The following CAV2 variants were observed in gnomAD, a reference collection of about 807,000 sequenced individuals.
The protein encoded by CAV2 is caveolin-2.
CAV2 carries 7 observed loss-of-function variants against 15.5 expected under a neutral mutation model. The ratio of observed to expected loss-of-function variants is 0.45; its 90% CI spans 0.26 to 0.85. The LOEUF (loss-of-function observed/expected upper bound fraction) is 0.85, where lower values mean the gene tolerates loss of function less well. Ranked by LOEUF, CAV2 falls within the 40% of genes least tolerant of loss-of-function variation. CAV2 has a pLI of 0.18. For missense variants in CAV2, 229 were observed against 208.8 expected (o/e 1.10, Z -0.60); for synonymous variants, 76 against 83.1 (o/e 0.91, Z 0.46).
chr7:116,500,491 G>A (rs764935846), intron 2 of CAV2, 44 bp downstream of exon 2: 13 of 1,576,022 alleles, frequency 8.2e-6, no homozygotes, highest in Non-Finnish European at 1.1e-5. Context: ...TGAAACATGG[G>A]CATATTCTCC....
rs768523776 is a variant in CAV2, at chr7:116,499,883, G to C, written c.102G>C (p.Ala34=). ...GLEYADPEKF[A]DSDQDRDPHR... ...AGTACGCCGACCCCGAGAAGTTCGC[G>C]GACTCGGACCAGGACCGGGATCCCC... The change falls in exon 1 of 3, where the codon GCG becomes GCC. Residue 34 remains alanine (A), a synonymous_variant. Transcript: ENST00000222693. The C allele has an allele frequency of 2.5e-6, 4 of 1,612,024 alleles. No homozygotes were observed. The East Asian group carries it at 6.7e-5, about 27-fold the overall frequency.
chr7:116,501,775 C>T (rs889548211), intron 2 of CAV2, among the ~76,000 whole-genome samples: 1 of 152,070 alleles, frequency 6.6e-6, no homozygotes, highest in East Asian at 1.9e-4. Context: ...TCACCAAATA[C>T]GTAAAGGATA....
chr7:116,505,209 C>T (rs569727870), intron 2 of CAV2, among the ~76,000 whole-genome samples: 1 of 152,320 alleles, frequency 6.6e-6, no homozygotes, highest in Non-Finnish European at 1.5e-5. Flanking sequence ...GAAAGGCTAT[C>T]AGGAAGTAAA....
chr7:116,502,312 C>A (rs1343613891), intron 2 of CAV2, among the ~76,000 whole-genome samples: 1 of 152,010 alleles, frequency 6.6e-6, no homozygotes, highest in Non-Finnish European at 1.5e-5. Flanking sequence ...ATCAATGCAC[C>A]TTTTTTTAGC....
At position 116,506,125 on chromosome 7, in the gene CAV2, C is replaced by G. The variant is rs774795420; in HGVS notation, c.*4C>G. The G allele has an allele frequency of 3.7e-6, 6 of 1,613,864 alleles. No individual in the cohort carries two copies. The African/African-American group carries it at 5.3e-5, about 14-fold the overall frequency. Reference sequence around the variant, plus strand: ...CCTGCAACTGAGCCAGGATTGAATACTTGGACCCCAGGTCTGGAGATTGGG... The same window carrying G: ...CCTGCAACTGAGCCAGGATTGAATAGTTGGACCCCAGGTCTGGAGATTGGG... On this transcript the variant is annotated 3_prime_UTR_variant, in exon 3 of 3. Transcript: ENST00000222693.
chr7:116,506,176 T>A lies in CAV2; in HGVS notation c.*55T>A. On this transcript the variant is annotated 3_prime_UTR_variant, in exon 3 of 3. Transcript: ENST00000222693. The stretch of plus-strand genomic sequence containing the variant: ...ATACTGTAATACTTCTTTGTTATTA[T>A]AACATAAAAGCACCACTGTTCTGTT... The A allele has an allele frequency of 6.3e-7, 1 of 1,575,096 alleles. No homozygotes were observed. Among genetic ancestry groups the A allele is most frequent in the Non-Finnish European group, 8.7e-7 (1 of 1,146,690 alleles).
rs1248970843 is a variant in CAV2 at position 116,507,548 on chromosome 7, C to T, written c.*1427C>T. ...ATTAGTTGGGCATGGTGGCATGCAC[C>T]TGTAGTCCCAGCTACCTGGGAGGCT... On this transcript the variant is annotated 3_prime_UTR_variant, in exon 3 of 3. Transcript: ENST00000222693. 1 of 151,972 alleles carries T rather than the reference C, an allele frequency of 6.6e-6. No homozygotes were observed. Among genetic ancestry groups the T allele is most frequent in the African/African-American group, 2.4e-5 (1 of 41,294 alleles). 9.4% of individuals were successfully genotyped at this position (151,972 alleles called of 1,614,324 possible).
At chr7:116,502,019 T>C (rs1270825831) in intron 2 of CAV2, among the ~76,000 whole-genome samples, 1 of 152,214 alleles carries the variant, frequency 6.6e-6, no homozygotes, top group African/African-American at 2.4e-5. Flanking sequence ...CTAACCTCTA[T>C]GTCAGTTTTC....
chr7:116,502,139 G>A (rs1793118946), intron 2 of CAV2, among the ~76,000 whole-genome samples: 1 of 151,838 alleles, frequency 6.6e-6, no homozygotes, highest in Non-Finnish European at 1.5e-5. Context: ...ACAAAGCTAG[G>A]CTTCCCAAAG....
intron 2 of CAV2, among the ~76,000 whole-genome samples, chr7:116,505,324 A>T (rs1219278798): frequency 6.6e-6 from 1 of 152,228 alleles, no homozygotes; most frequent in African/African-American, 2.4e-5. Context: ...TTCAGATAGC[A>T]TGCCACCAGT....
chr7:116,500,265 C>T lies in CAV2; in HGVS notation c.156C>T (p.Gly52=), dbSNP rs758897137. The T allele has an allele frequency of 6.2e-7, 1 of 1,613,536 alleles. No homozygotes were observed. Among genetic ancestry groups the T allele is most frequent in the Admixed American group, 1.7e-5 (1 of 60,006 alleles). The change falls in exon 2 of 3, where the codon GGC becomes GGT. Residue 52 remains glycine (G), a synonymous_variant. Coordinates refer to ENST00000222693, the MANE Select transcript of CAV2 (RefSeq NM_001233.5). ...PHRLNSHLKL[G]FEDVIAEPVT... ...CCTGCGTCCTGTCTCCTCAGCTGGG[C>T]TTCGAGGATGTGATCGCAGAGCCGG... is the stretch of plus-strand genomic sequence containing the variant.
chr7:116,503,907 GAGGGAGGA>G (rs1487605351), intron 2 of CAV2, among the ~76,000 whole-genome samples: 39 of 8,754 alleles, frequency 4.5e-3, no homozygotes, highest in Non-Finnish European at 8.0e-3. Flanking sequence ...GGGAGGGAGG[GAGGGAGGA>G]AGGAAGGAAG....
At chr7:116,501,702 G>A (rs1469847135) in intron 2 of CAV2, among the ~76,000 whole-genome samples, 1 of 152,124 alleles carries the variant, frequency 6.6e-6, no homozygotes, top group Non-Finnish European at 1.5e-5. Flanking sequence ...AAAGAGGGAG[G>A]AACAGACAAG....
Position 116,499,940 on chromosome 7 carries a change from C to G in CAV2, c.150+9C>G. 6.2e-7 allele frequency: 1 copy of G among 1,609,324 alleles called. No individual in the cohort carries two copies. The highest frequency in any genetic ancestry group is 1.1e-5 in the South Asian group (1 of 90,714). ...TCAACTCGCATCTCAAGGTGAAGCCCGGGGCGGGCGGGCCCAAGTCCCCGC... is the reference window on the plus strand; with the variant it reads ...TCAACTCGCATCTCAAGGTGAAGCCGGGGGCGGGCGGGCCCAAGTCCCCGC... On this transcript the variant is annotated intron_variant, in intron 1 of 2. Transcript: ENST00000222693.
At chr7:116,504,476 AT>A (rs1379345240) in intron 2 of CAV2, among the ~76,000 whole-genome samples, 3 of 152,232 alleles carry the variant, frequency 2.0e-5, no homozygotes, top group African/African-American at 7.2e-5. Flanking sequence ...ATAAAACACA[AT>A]TTGTGGAGAC....
chr7:116,503,758 A>G (rs904565996), intron 2 of CAV2, among the ~76,000 whole-genome samples: 2 of 151,212 alleles, frequency 1.3e-5, no homozygotes, highest in Non-Finnish European at 2.9e-5. Flanking sequence ...CGAACCCGGG[A>G]GGCGAAGGTT....
intron 2 of CAV2, among the ~76,000 whole-genome samples, chr7:116,501,765 T>G (rs191343037): frequency 6.6e-6 from 1 of 152,286 alleles, no homozygotes; most frequent in East Asian, 1.9e-4. Context: ...AAATGAAAAT[T>G]CACCAAATAC....
At position 116,506,069 on chromosome 7, in the gene CAV2, C is replaced by T. The variant is rs376642828; in HGVS notation, c.437C>T (p.Thr146Met). 1.9e-5 allele frequency: 31 copies of T among 1,613,622 alleles called. No homozygotes were observed. The highest frequency in any genetic ancestry group is 1.6e-4 in the African/African-American group (12 of 75,000). ...VTDVIIAPLC[T>M]SVGRCFSSVS... ...GATGTTATCATTGCTCCATTGTGTA[C>T]GAGCGTAGGACGATGCTTCTCTTCT... is the stretch of plus-strand genomic sequence containing the variant. Residue 146 changes from threonine to methionine, a missense_variant, in exon 3 of 3, where the codon ACG (threonine) becomes ATG (methionine). Coordinates refer to ENST00000222693, the MANE Select transcript of CAV2 (RefSeq NM_001233.5).
chr7:116,504,343 T>C (rs1024888508), intron 2 of CAV2, among the ~76,000 whole-genome samples: 2 of 152,182 alleles, frequency 1.3e-5, no homozygotes, highest in African/African-American at 4.8e-5. Context: ...AAGTGAGAAA[T>C]ATAATAGAAT....
Sources: gnomAD v4.1 joint callset for allele counts (sites outside exome capture counted in the v4.1 genomes callset) on GRCh38, gnomAD v4.1.1 for gene constraint, MANE v1.5 for transcripts, NCBI Gene and HGNC (gene_info 2026-07-23, HGNC 2026-07-21) for gene names.